CTNNA2: variants seen among roughly 807,000 people sequenced by gnomAD.
CTNNA2 encodes the protein catenin alpha-2.
Under a neutral mutation model 101.0 loss-of-function variants are expected in CTNNA2, and 42 were observed. That is an observed-to-expected ratio of 0.42 (90% CI 0.32 to 0.54). The LOEUF is 0.54. Ranked by LOEUF, CTNNA2 falls within the 20% of genes least tolerant of loss-of-function variation. The pLI is 0.14. For synonymous variants in CTNNA2, 450 were observed against 456.4 expected (o/e 0.99, Z 0.18); for missense variants, 871 against 1,223.1 (o/e 0.71, Z 4.29).
chr2:80,409,021 A>T (rs1679313386), intron 8 of CTNNA2, among the ~76,000 whole-genome samples: 3 of 152,176 alleles, frequency 2.0e-5, no homozygotes, highest in African/African-American at 4.8e-5. Context: ...CAAGCTATAA[A>T]AACAGGACAT....
rs67402125 is a variant in CTNNA2 at position 80,606,367 on chromosome 2, AACACAC to A, written c.2296-1776_2296-1771del. On this transcript the variant is annotated intron_variant, in intron 16 of 18. Transcript: ENST00000402739. ...CAGTTGATATGTGAAAAACACATCA[AACACAC>A]ACACACACACACACACACACACACA... 6.1e-3 allele frequency among the ~76,000 whole-genome samples: 840 copies of A among 137,496 alleles called. 7 individuals carry two copies. Among genetic ancestry groups the A allele is most frequent in the South Asian group, 0.034 (137 of 4,062 alleles). 90.2% of individuals were successfully genotyped at this position (137,496 alleles called of 152,430 possible).
chr2:80,225,402 A>T (rs1191570062), intron 7 of CTNNA2, among the ~76,000 whole-genome samples: 1 of 152,170 alleles, frequency 6.6e-6, no homozygotes, highest in Non-Finnish European at 1.5e-5. Context: ...AAGATTTATG[A>T]CAGACTGATG....
At chr2:80,355,874 A>C (rs927920767) in intron 7 of CTNNA2, among the ~76,000 whole-genome samples, 6 of 152,164 alleles carry the variant, frequency 3.9e-5, no homozygotes, top group African/African-American at 7.2e-5. Flanking sequence ...ATGATACCCC[A>C]AAAAAGTATT....
intron 2 of CTNNA2, among the ~76,000 whole-genome samples, chr2:79,656,621 A>G (rs2104503685): frequency 6.6e-6 from 1 of 152,230 alleles, no homozygotes; most frequent in Non-Finnish European, 1.5e-5. Flanking sequence ...CATTTATTGT[A>G]TAATGTTGAA....
At chr2:79,520,494 GAAAAT>G (rs1467720470) in intron 1 of CTNNA2, among the ~76,000 whole-genome samples, 1 of 152,106 alleles carries the variant, frequency 6.6e-6, no homozygotes, top group African/African-American at 2.4e-5. Flanking sequence ...AAATTTAAAA[GAAAAT>G]ATGCATTAGA....
chr2:80,280,139 T>A (rs1674251647), intron 7 of CTNNA2, among the ~76,000 whole-genome samples: 1 of 151,428 alleles, frequency 6.6e-6, no homozygotes, highest in Non-Finnish European at 1.5e-5. Context: ...AAATAGGATC[T>A]TGTGTGCTGG....
At chr2:79,551,260 A>G (rs1030541589) in intron 1 of CTNNA2, among the ~76,000 whole-genome samples, 31 of 152,122 alleles carry the variant, frequency 2.0e-4, no homozygotes, top group African/African-American at 7.5e-4. Context: ...GGTTTTGAGG[A>G]CCTCAGTATT....
intron 7 of CTNNA2, among the ~76,000 whole-genome samples, chr2:79,977,786 G>A (rs2104596421): frequency 6.6e-6 from 1 of 151,300 alleles, no homozygotes; most frequent in South Asian, 2.1e-4. Flanking sequence ...CTTTCATTTT[G>A]TGAGCTTTCA....
intron 3 of CTNNA2, among the ~76,000 whole-genome samples, chr2:79,809,232 T>C (rs539836966): frequency 6.6e-6 from 1 of 152,308 alleles, no homozygotes; most frequent in East Asian, 1.9e-4. Flanking sequence ...CTATTGTAAA[T>C]GGTGCTGTGA....
At chr2:80,027,793 C>A (rs983684009) in intron 7 of CTNNA2, among the ~76,000 whole-genome samples, 2 of 151,580 alleles carry the variant, frequency 1.3e-5, no homozygotes, top group Admixed American at 6.6e-5. Context: ...CACAGCAAGA[C>A]CCTGTTTCTA....
In CTNNA2 at chr2:79,186,351, G is replaced by A. The variant is rs114904894; in HGVS notation, c.-524+920G>A. Among the ~76,000 whole-genome samples the A allele has an allele frequency of 5.9e-3, 898 of 152,246 alleles. 6 individuals carry two copies. The highest frequency in any genetic ancestry group is 0.02 in the African/African-American group (838 of 41,558). ...ACTGGAGCCACATCAAAGGATAGAG[G>A]AGGTGACAAGGATAAGAAATAAGAG... On this transcript the variant is annotated intron_variant, in intron 1 of 21. Transcript: ENST00000466387.
chr2:80,478,297 C>G (rs1685884051), intron 9 of CTNNA2, among the ~76,000 whole-genome samples: 1 of 152,024 alleles, frequency 6.6e-6, no homozygotes, highest in Non-Finnish European at 1.5e-5. Context: ...GATACTAGTC[C>G]TTTGGTGGCG....
At chr2:80,308,309 T>C (rs1677218686) in intron 7 of CTNNA2, among the ~76,000 whole-genome samples, 1 of 152,252 alleles carries the variant, frequency 6.6e-6, no homozygotes. Context: ...GCAATCTTTG[T>C]CAATGTTCAA....
chr2:80,106,133 A>C (rs920989836), intron 7 of CTNNA2, among the ~76,000 whole-genome samples: 1 of 152,204 alleles, frequency 6.6e-6, no homozygotes, highest in African/African-American at 2.4e-5. Context: ...GAGTCGTTGT[A>C]TGTAGAGGTG....
chr2:80,023,862 C>T (rs937951419), intron 7 of CTNNA2, among the ~76,000 whole-genome samples: 10 of 151,540 alleles, frequency 6.6e-5, no homozygotes, highest in Admixed American at 2.0e-4. Flanking sequence ...CCGAGGCGGG[C>T]GGATCACGAG....
chr2:80,524,779 C>G (rs1298380968), intron 9 of CTNNA2, among the ~76,000 whole-genome samples: 1 of 152,142 alleles, frequency 6.6e-6, no homozygotes, highest in Non-Finnish European at 1.5e-5. Context: ...CATACATGCT[C>G]TCTCACACAC....
chr2:80,626,469 C>A (rs1192230417), intron 18 of CTNNA2, among the ~76,000 whole-genome samples: 1 of 152,104 alleles, frequency 6.6e-6, no homozygotes, highest in African/African-American at 2.4e-5. Flanking sequence ...CACCCCTCTG[C>A]CCTTCTTCAG....
At chr2:79,553,487 G>A (rs890949005) in intron 1 of CTNNA2, among the ~76,000 whole-genome samples, 8 of 152,118 alleles carry the variant, frequency 5.3e-5, no homozygotes, top group African/African-American at 1.9e-4. Context: ...AGAACTACTG[G>A]AGACTGGGTA....
At chr2:80,013,503 C>A (rs551142697) in intron 7 of CTNNA2, among the ~76,000 whole-genome samples, 9 of 152,324 alleles carry the variant, frequency 5.9e-5, no homozygotes, top group African/African-American at 2.2e-4. Context: ...CCCTACATCA[C>A]ACTGAACTTA....
Sources: gnomAD v4.1 joint callset for allele counts (sites outside exome capture counted in the v4.1 genomes callset) on GRCh38, gnomAD v4.1.1 for gene constraint, MANE v1.5 for transcripts, NCBI Gene and HGNC (gene_info 2026-07-23, HGNC 2026-07-21) for gene names.